The following TAS2R1 variants were observed in gnomAD, a reference collection of about 807,000 sequenced individuals.
TAS2R1 encodes taste 2 receptor member 1, also known as taste receptor type 2 member 1.
For missense variants in TAS2R1, 370 were observed against 353.4 expected, an observed-to-expected ratio of 1.05 and a Z score of -0.38; for synonymous variants, 141 against 134.2, an observed-to-expected ratio of 1.05 and a Z score of -0.35.
At chr5:9,647,578 C>T (rs964217394) in intron 2 of TAS2R1, among the ~76,000 whole-genome samples, 1 of 152,040 alleles carries the variant, frequency 6.6e-6, no homozygotes. Flanking sequence ...GTCCTCCAGC[C>T]ACGTGAATAG....
Position 9,629,543 on chromosome 5 carries a change from C to T in TAS2R1, c.490G>A (p.Ala164Thr), listed in dbSNP as rs1179406260. The T allele has an allele frequency of 1.9e-6, 3 of 1,613,888 alleles. No homozygotes were observed. Among genetic ancestry groups the T allele is most frequent in the Non-Finnish European group, 2.5e-6 (3 of 1,179,956 alleles). ...AGTGTATCTTCTTTTTGAATTGTGGCATTTTGGGAGAAAAATTTCCTTAGG... is the reference window on the plus strand; with the variant it reads ...AGTGTATCTTCTTTTTGAATTGTGGTATTTTGGGAGAAAAATTTCCTTAGG... ...YFLRKFFSQNATIQKEDTLAI... is the reference protein window; with the variant it reads ...YFLRKFFSQNTTIQKEDTLAI... The change falls in exon 1 of 1, where the codon GCC (alanine) becomes ACC (threonine). Residue 164 changes from alanine (A) to threonine (T), a missense_variant. Transcript: ENST00000382492.
chr5:9,799,792 C>T, the TAS2R1 span, among the ~76,000 whole-genome samples: 15 of 152,306 alleles, frequency 9.8e-5, no homozygotes, highest in South Asian at 2.9e-3. Context: ...TGAGGGCTGT[C>T]ACAGCTTCAA....
chr5:9,743,834 G>T, the TAS2R1 span, among the ~76,000 whole-genome samples: 1 of 152,074 alleles, frequency 6.6e-6, no homozygotes, highest in Non-Finnish European at 1.5e-5. Flanking sequence ...AGGAGGAGGA[G>T]AGGAGGGAAA....
the TAS2R1 span, among the ~76,000 whole-genome samples, chr5:9,821,437 C>G: frequency 1.3e-5 from 2 of 152,154 alleles, no homozygotes; most frequent in Non-Finnish European, 2.9e-5. Flanking sequence ...TTTGATGAAT[C>G]TTGTGTATTA....
chr5:9,795,822 G>A, the TAS2R1 span, among the ~76,000 whole-genome samples: 2 of 152,136 alleles, frequency 1.3e-5, no homozygotes, highest in Admixed American at 6.5e-5. Context: ...GTCTGTGTTG[G>A]TGAATTTGTG....
At position 9,629,126 on chromosome 5, in the gene TAS2R1, TTC is replaced by T; in HGVS notation, c.*5_*6del. 6.5e-7 allele frequency: 1 copy of T among 1,538,450 alleles called. No homozygotes were observed. The highest frequency in any genetic ancestry group is 8.7e-7 in the Non-Finnish European group (1 of 1,146,256). ...CATGGGTTCTTTGAACTGATCCAAC[TTC>T]TCTCTCACTGACAGCACTTACTGTG... On this transcript the variant is annotated 3_prime_UTR_variant, in exon 1 of 1. Coordinates refer to ENST00000382492, the MANE Select transcript of TAS2R1 (RefSeq NM_019599.3).
chr5:9,792,862 A>G, the TAS2R1 span, among the ~76,000 whole-genome samples: 2 of 152,196 alleles, frequency 1.3e-5, no homozygotes, highest in Non-Finnish European at 2.9e-5. Context: ...TTTCATCTTT[A>G]AACTGGTGAT....
the TAS2R1 span, among the ~76,000 whole-genome samples, chr5:9,897,005 T>C: frequency 6.6e-6 from 1 of 152,214 alleles, no homozygotes; most frequent in East Asian, 1.9e-4. Context: ...TCAAGCATTT[T>C]ACCATGAAAA....
chr5:9,888,231 C>G, the TAS2R1 span, among the ~76,000 whole-genome samples: 1 of 152,142 alleles, frequency 6.6e-6, no homozygotes, highest in African/African-American at 2.4e-5. Context: ...TCAGCCCTCT[C>G]ACGGGAGCTG....
the TAS2R1 span, among the ~76,000 whole-genome samples, chr5:9,836,358 G>A: frequency 3.9e-5 from 6 of 152,260 alleles, no homozygotes; most frequent in African/African-American, 1.2e-4. Flanking sequence ...TTCGTGGGCT[G>A]AAGTTTCTTG....
the TAS2R1 span, among the ~76,000 whole-genome samples, chr5:9,807,270 G>T: frequency 1.3e-5 from 2 of 152,152 alleles, no homozygotes; most frequent in Non-Finnish European, 1.5e-5. Flanking sequence ...TGGCATGGAT[G>T]TATTGAAAAG....
At chr5:9,887,392 A>G in the TAS2R1 span, among the ~76,000 whole-genome samples, 2 of 152,184 alleles carry the variant, frequency 1.3e-5, no homozygotes, top group African/African-American at 4.8e-5. Context: ...TTAGCTCAAC[A>G]AATTCCAAGC....
the TAS2R1 span, among the ~76,000 whole-genome samples, chr5:9,816,280 G>T: frequency 6.6e-6 from 1 of 151,996 alleles, no homozygotes; most frequent in African/African-American, 2.4e-5. Flanking sequence ...TTTTTGAAAA[G>T]ATATTATATA....
chr5:9,797,073 T>G, the TAS2R1 span, among the ~76,000 whole-genome samples: 1 of 152,160 alleles, frequency 6.6e-6, no homozygotes, highest in Non-Finnish European at 1.5e-5. Context: ...TAGGAGGAGT[T>G]TGATTGGGCT....
chr5:9,860,365 T>C, the TAS2R1 span, among the ~76,000 whole-genome samples: 2 of 152,166 alleles, frequency 1.3e-5, no homozygotes, highest in African/African-American at 2.4e-5. Flanking sequence ...CCATTCTCCA[T>C]TTACCTTCCC....
chr5:9,754,635 C>G, the TAS2R1 span, among the ~76,000 whole-genome samples: 2 of 152,140 alleles, frequency 1.3e-5, no homozygotes, highest in Non-Finnish European at 2.9e-5. Context: ...AGTGAACTCC[C>G]ATTCACAGTT....
chr5:9,655,394 A>G (rs1326193294), intron 2 of TAS2R1, among the ~76,000 whole-genome samples: 2 of 152,204 alleles, frequency 1.3e-5, no homozygotes, highest in Non-Finnish European at 1.5e-5. Flanking sequence ...CAAAAAGACT[A>G]TAAATAAAAG....
chr5:9,899,374 T>C, the TAS2R1 span, among the ~76,000 whole-genome samples: 4 of 152,128 alleles, frequency 2.6e-5, no homozygotes, highest in Non-Finnish European at 5.9e-5. Context: ...TGGTAGCTCA[T>C]ACCTATAATC....
chr5:9,747,826 T>G, the TAS2R1 span, among the ~76,000 whole-genome samples: 2 of 151,584 alleles, frequency 1.3e-5, no homozygotes, highest in Non-Finnish European at 2.9e-5. Flanking sequence ...TTTTTTTTTT[T>G]GAAAAGAGAG....
Sources: gnomAD v4.1 joint callset for allele counts (sites outside exome capture counted in the v4.1 genomes callset) on GRCh38, gnomAD v4.1.1 for gene constraint, MANE v1.5 for transcripts, NCBI Gene and HGNC (gene_info 2026-07-23, HGNC 2026-07-21) for gene names.